MAP7: variants seen among roughly 807,000 people sequenced by gnomAD.
The protein encoded by MAP7 is ensconsin.
MAP7 carries 52 observed loss-of-function variants against 94.8 expected under a neutral mutation model. The ratio of observed to expected loss-of-function variants is 0.55; its 90% CI spans 0.44 to 0.69. The LOEUF is 0.69. Ranked by LOEUF, MAP7 falls within the 30% of genes least tolerant of loss-of-function variation. The pLI is 0.00. For synonymous variants in MAP7, 350 were observed against 357.0 expected (o/e 0.98, Z 0.22); for missense variants, 940 against 964.6 (o/e 0.97, Z 0.34).
intron 1 of MAP7, among the ~76,000 whole-genome samples, chr6:136,422,295 T>G (rs536479318): frequency 1.3e-5 from 2 of 152,222 alleles, no homozygotes. Context: ...CAGCAGACCA[T>G]GGAAATCGAA....
At chr6:136,354,499 C>G (rs1790295591) in intron 16 of MAP7, among the ~76,000 whole-genome samples, 1 of 144,674 alleles carries the variant, frequency 6.9e-6, no homozygotes, top group Admixed American at 7.0e-5. Flanking sequence ...TATATATTTC[C>G]TTTAAAGGAG....
At chr6:136,396,262 A>G (rs1475821554) in intron 3 of MAP7, among the ~76,000 whole-genome samples, 3 of 151,896 alleles carry the variant, frequency 2.0e-5, no homozygotes, top group Non-Finnish European at 4.4e-5. Context: ...CCTTGTAGCA[A>G]ACTTTTACCT....
intron 1 of MAP7, among the ~76,000 whole-genome samples, chr6:136,457,702 A>G (rs1446263946): frequency 6.6e-6 from 1 of 152,182 alleles, no homozygotes; most frequent in Non-Finnish European, 1.5e-5. Flanking sequence ...ATTAAAAAAA[A>G]CACATGACCA....
intron 1 of MAP7, among the ~76,000 whole-genome samples, chr6:136,431,419 C>T (rs1338057614): frequency 4.6e-5 from 7 of 152,136 alleles, no homozygotes; most frequent in Admixed American, 1.3e-4. Context: ...ATGCATACTA[C>T]AAGTTTGCAT....
At chr6:136,380,219 T>A (rs941781903) in intron 6 of MAP7, among the ~76,000 whole-genome samples, 1 of 152,138 alleles carries the variant, frequency 6.6e-6, no homozygotes, top group Non-Finnish European at 1.5e-5. Context: ...CAAGTTAACA[T>A]AAATAAATGA....
intron 8 of MAP7, among the ~76,000 whole-genome samples, chr6:136,367,141 G>A (rs529497912): frequency 6.6e-6 from 1 of 152,318 alleles, no homozygotes; most frequent in East Asian, 1.9e-4. Flanking sequence ...TTGCCAACTA[G>A]GAATTCAGCT....
At chr6:136,479,128 T>C (rs932958741) in intron 1 of MAP7, among the ~76,000 whole-genome samples, 2 of 152,044 alleles carry the variant, frequency 1.3e-5, no homozygotes, top group Admixed American at 6.6e-5. Flanking sequence ...AACATAATAC[T>C]AGCAAACCAA....
chr6:136,353,687 G>A (rs1789902459), intron 16 of MAP7, among the ~76,000 whole-genome samples: 1 of 152,094 alleles, frequency 6.6e-6, no homozygotes, highest in East Asian at 1.9e-4. Context: ...CCAAGTAGCT[G>A]GGACTACAGT....
At chr6:136,528,165 T>G (rs1828160419) in intron 1 of MAP7, among the ~76,000 whole-genome samples, 1 of 152,216 alleles carries the variant, frequency 6.6e-6, no homozygotes, top group Non-Finnish European at 1.5e-5. Context: ...CCTAGTCCAG[T>G]GCTTCTCCCG....
chr6:136,467,951 G>A (rs571109946), intron 1 of MAP7, among the ~76,000 whole-genome samples: 12 of 152,254 alleles, frequency 7.9e-5, no homozygotes, highest in Non-Finnish European at 1.3e-4. Context: ...TTTCTAAGAC[G>A]CGTGAGGGTC....
intron 1 of MAP7, among the ~76,000 whole-genome samples, chr6:136,541,054 A>G (rs971001153): frequency 3.3e-5 from 5 of 152,198 alleles, no homozygotes; most frequent in African/African-American, 7.2e-5. Flanking sequence ...AGCATCTACC[A>G]TGAATAGAAA....
intron 1 of MAP7, among the ~76,000 whole-genome samples, chr6:136,448,342 T>TAAAC (rs369719301): frequency 6.6e-5 from 10 of 152,108 alleles, no homozygotes; most frequent in South Asian, 2.1e-4. Flanking sequence ...ACACGATTAT[T>TAAAC]AAACAAACAA....
intron 1 of MAP7, among the ~76,000 whole-genome samples, chr6:136,503,064 T>A (rs1583081643): frequency 6.6e-6 from 1 of 151,960 alleles, no homozygotes; most frequent in Non-Finnish European, 1.5e-5. Flanking sequence ...ATGTGTAGAG[T>A]TTATACTTTA....
At chr6:136,486,150 C>A (rs1814670715) in intron 1 of MAP7, among the ~76,000 whole-genome samples, 1 of 152,120 alleles carries the variant, frequency 6.6e-6, no homozygotes, top group African/African-American at 2.4e-5. Context: ...CAGCTATCTG[C>A]TGAGTTCACT....
chr6:136,431,148 C>T (rs2128807133), intron 1 of MAP7, among the ~76,000 whole-genome samples: 1 of 152,362 alleles, frequency 6.6e-6, no homozygotes, highest in Non-Finnish European at 1.5e-5. Context: ...ACTCAAGTCC[C>T]TTTCCCATGA....
chr6:136,371,439 G>C (rs908526429), intron 8 of MAP7, among the ~76,000 whole-genome samples: 6 of 152,196 alleles, frequency 3.9e-5, no homozygotes, highest in African/African-American at 1.4e-4. Flanking sequence ...GTGGCTTAGA[G>C]GGTTGGAGGC....
intron 1 of MAP7, among the ~76,000 whole-genome samples, chr6:136,437,127 A>T (rs1385497484): frequency 6.6e-6 from 1 of 151,962 alleles, no homozygotes; most frequent in Non-Finnish European, 1.5e-5. Flanking sequence ...CCTTCTCAGC[A>T]CTCCCTGGTA....
chr6:136,542,137 C>A (rs185263149), intron 1 of MAP7, among the ~76,000 whole-genome samples: 1 of 152,156 alleles, frequency 6.6e-6, no homozygotes, highest in Admixed American at 6.5e-5. Flanking sequence ...GGCTATTTCT[C>A]AAATTAAAAA....
intron 1 of MAP7, among the ~76,000 whole-genome samples, chr6:136,466,510 G>A (rs564079158): frequency 6.6e-6 from 1 of 151,830 alleles, no homozygotes; most frequent in African/African-American, 2.4e-5. Flanking sequence ...ACTATCAAAC[G>A]GCTCTAGGAC....
Sources: gnomAD v4.1 joint callset for allele counts (sites outside exome capture counted in the v4.1 genomes callset) on GRCh38, gnomAD v4.1.1 for gene constraint, MANE v1.5 for transcripts, NCBI Gene and HGNC (gene_info 2026-07-23, HGNC 2026-07-21) for gene names.